NFYB: variants seen among roughly 807,000 people sequenced by gnomAD.
NFYB encodes CAAT box DNA-binding protein subunit B.
Under a neutral mutation model 28.0 loss-of-function variants are expected in NFYB, and 13 were observed. That is an observed-to-expected ratio of 0.46 (90% CI 0.30 to 0.74). The LOEUF (loss-of-function observed/expected upper bound fraction) is 0.74. Among genes scored for constraint, NFYB ranks in the 30% least tolerant of loss-of-function variants. NFYB has a pLI of 0.07. For missense variants in NFYB, 142 were observed against 247.6 expected (o/e 0.57, Z 2.86); for synonymous variants, 74 against 75.0 (o/e 0.99, Z 0.07).
rs2030304981 is a variant in NFYB at position 104,117,412 on chromosome 12, A to G, written c.*2325T>C. The stretch of plus-strand genomic sequence containing the variant: ...TATATACTAATTTAAAATTTACTCA[A>G]ATTCCTGTTTGTTTGAGACAAGAGT... On this transcript the variant is annotated 3_prime_UTR_variant, in exon 8 of 8. Transcript: ENST00000240055. 1 of 152,174 alleles carries G rather than the reference A, an allele frequency of 6.6e-6. No individual in the cohort carries two copies. Among genetic ancestry groups the G allele is most frequent in the Non-Finnish European group, 1.5e-5 (1 of 68,030 alleles). 9.4% of individuals were successfully genotyped at this position (152,174 alleles called of 1,614,324 possible). A position where few individuals can be genotyped will look rare whatever the true frequency, so the allele number is the denominator to read the frequency against.
intron 2 of NFYB, among the ~76,000 whole-genome samples, chr12:104,133,879 T>G (rs1005096207): frequency 6.6e-6 from 1 of 152,180 alleles, no homozygotes; most frequent in Non-Finnish European, 1.5e-5. Context: ...ATATATAAAA[T>G]CTTAATTCTG....
intron 2 of NFYB, 79 bp downstream of exon 2, chr12:104,135,369 T>C: frequency 7.7e-7 from 1 of 1,300,208 alleles, no homozygotes; most frequent in Non-Finnish European, 1.1e-6. Flanking sequence ...GCACCTCCAG[T>C]ATAAATTGGT....
At chr12:104,121,860 T>C (rs1300123701) in intron 5 of NFYB, among the ~76,000 whole-genome samples, 1 of 152,224 alleles carries the variant, frequency 6.6e-6, no homozygotes, top group Non-Finnish European at 1.5e-5. Flanking sequence ...CAAATATCAC[T>C]AATTTAATGG....
rs146538176 is a variant in NFYB, at chr12:104,120,580, C to T, written c.512-101G>A. 2,096 of 790,906 alleles carry T rather than the reference C, an allele frequency of 2.7e-3. 36 individuals are homozygous for T. Among genetic ancestry groups the T allele is most frequent in the South Asian group, 0.023 (1,513 of 65,720 alleles). 49.0% of individuals were successfully genotyped at this position (790,906 alleles called of 1,614,324 possible). A position where few individuals can be genotyped will look rare whatever the true frequency, so the allele number is the denominator to read the frequency against. On this transcript the variant is annotated intron_variant, in intron 6 of 7. Transcript: ENST00000240055. ...ATTAATGTCTCATTACAATTCTGCCCGGTATCAATGATGTAGTCTTGGACA... is the reference window on the plus strand; with the variant it reads ...ATTAATGTCTCATTACAATTCTGCCTGGTATCAATGATGTAGTCTTGGACA...
intron 2 of NFYB, among the ~76,000 whole-genome samples, chr12:104,133,446 T>C (rs1269034818): frequency 1.3e-5 from 2 of 152,176 alleles, no homozygotes; most frequent in Non-Finnish European, 2.9e-5. Flanking sequence ...AAGTGCACCC[T>C]GGACGACGGT....
At chr12:104,124,852 T>C (rs1338364146) in intron 4 of NFYB, among the ~76,000 whole-genome samples, 2 of 152,200 alleles carry the variant, frequency 1.3e-5, no homozygotes, top group Admixed American at 1.3e-4. Flanking sequence ...TTTTTTTTCC[T>C]TAAAACATAA....
intron 2 of NFYB, chr12:104,131,779 G>A (rs1371948141): frequency 1.8e-5 from 8 of 455,930 alleles, no homozygotes; most frequent in Non-Finnish European, 2.6e-5. Context: ...TGCTGGTCAC[G>A]TAGCTGTCAA....
chr12:104,122,798 T>G (rs973480808), intron 5 of NFYB, among the ~76,000 whole-genome samples: 3 of 152,224 alleles, frequency 2.0e-5, no homozygotes, highest in African/African-American at 7.2e-5. Context: ...TGAGAAATGT[T>G]ACATAATTTA....
intron 4 of NFYB, 50 bp downstream of exon 4, chr12:104,126,064 G>C (rs1358709150): frequency 6.6e-7 from 1 of 1,513,104 alleles, no homozygotes; most frequent in Non-Finnish European, 8.8e-7. Context: ...AATTCATGTA[G>C]TTTCGTGTTT....
At position 104,117,143 on chromosome 12, in the gene NFYB, C is replaced by G. The variant is rs2030297351; in HGVS notation, c.*2594G>C. Reference sequence around the variant, plus strand: ...GGGAGCTTGCATACATAAGAAGTTCCAGAGGAGAAAACATGACATTCAGTT... The same window carrying G: ...GGGAGCTTGCATACATAAGAAGTTCGAGAGGAGAAAACATGACATTCAGTT... On this transcript the variant is annotated 3_prime_UTR_variant, in exon 8 of 8. Transcript: ENST00000240055. The G allele has an allele frequency of 6.6e-6, 1 of 152,114 alleles. No homozygotes were observed. The highest frequency in any genetic ancestry group is 2.1e-4 in the South Asian group (1 of 4,834). The allele number at this position is 152,114 out of a possible 1,614,324, so 9.4% of individuals were successfully genotyped here. A position where few individuals can be genotyped will look rare whatever the true frequency, so the allele number is the denominator to read the frequency against.
At chr12:104,122,908 C>T (rs1449269359) in intron 5 of NFYB, among the ~76,000 whole-genome samples, 2 of 152,110 alleles carry the variant, frequency 1.3e-5, no homozygotes, top group African/African-American at 4.8e-5. Flanking sequence ...GGCATGGTGG[C>T]TCACACCTGT....
intron 4 of NFYB, chr12:104,125,326 A>C (rs936867460): frequency 6.5e-6 from 1 of 153,310 alleles, no homozygotes. Flanking sequence ...GGATGGGAGA[A>C]GTTACAGCTT....
intron 6 of NFYB, among the ~76,000 whole-genome samples, chr12:104,120,901 T>C (rs2030448636): frequency 6.6e-6 from 1 of 152,186 alleles, no homozygotes; most frequent in African/African-American, 2.4e-5. Flanking sequence ...GACAACATGA[T>C]ACTCAATTTA....
chr12:104,125,849 CAAAAAAAAAAAAA>C (rs374433754), intron 4 of NFYB, among the ~76,000 whole-genome samples: 3 of 72,206 alleles, frequency 4.2e-5, no homozygotes, highest in Non-Finnish European at 7.5e-5. Context: ...ACTCTGTCCC[CAAAAAAAAAAAAA>C]AAAAAAAAAA....
intron 5 of NFYB, among the ~76,000 whole-genome samples, chr12:104,122,459 T>C (rs927749889): frequency 2.0e-5 from 3 of 152,192 alleles, no homozygotes; most frequent in African/African-American, 7.2e-5. Flanking sequence ...CGTGGCCTGT[T>C]AAGAACCCAG....
At chr12:104,120,348 C>T in intron 7 of NFYB, 52 bp downstream of exon 7, 2 of 1,463,508 alleles carry the variant, frequency 1.4e-6, no homozygotes, top group Non-Finnish European at 1.9e-6. Flanking sequence ...AGCCATGGGG[C>T]CCTGTCGATA....
chr12:104,132,179 G>A (rs1307525240), intron 2 of NFYB, among the ~76,000 whole-genome samples: 1 of 152,222 alleles, frequency 6.6e-6, no homozygotes, highest in African/African-American at 2.4e-5. Context: ...ACTAGTCTGA[G>A]GGGTCAAGAA....
chr12:104,127,050 G>A (rs922229666), intron 3 of NFYB, among the ~76,000 whole-genome samples: 4 of 152,178 alleles, frequency 2.6e-5, no homozygotes, highest in Admixed American at 1.3e-4. Flanking sequence ...ACTGAAGCTT[G>A]CGCAGTACCA....
intron 1 of NFYB, among the ~76,000 whole-genome samples, chr12:104,136,426 T>C (rs1360716993): frequency 6.6e-6 from 1 of 152,198 alleles, no homozygotes; most frequent in Non-Finnish European, 1.5e-5. Context: ...AAGTTTTTAA[T>C]GCCACTAAAA....
Sources: allele counts gnomAD v4.1 joint callset (sites outside exome capture counted in the v4.1 genomes callset), GRCh38; gene constraint gnomAD v4.1.1; transcripts MANE v1.5; gene names NCBI Gene and HGNC (gene_info 2026-07-23, HGNC 2026-07-21).